The following NEK7 variants were observed in gnomAD, a reference collection of about 807,000 sequenced individuals.
NEK7 encodes NIMA related kinase 7.
A neutral mutation model predicts 44.6 loss-of-function variants in NEK7; 18 were observed. The ratio of observed to expected loss-of-function variants is 0.40; its 90% CI spans 0.28 to 0.60. The LOEUF (loss-of-function observed/expected upper bound fraction) is 0.60, where lower values mean the gene tolerates loss of function less well. NEK7 is among the 20% of genes least tolerant of loss of function. The pLI is 0.38. For missense variants in NEK7, 256 were observed against 366.5 expected (o/e 0.70, Z 2.46); for synonymous variants, 130 against 121.1 (o/e 1.07, Z -0.48).
intron 1 of NEK7, among the ~76,000 whole-genome samples, chr1:198,160,230 C>T (rs1439927501): frequency 6.6e-6 from 1 of 151,812 alleles, no homozygotes; most frequent in Non-Finnish European, 1.5e-5. Context: ...GAGCAGGGCC[C>T]AGTTAAGTGT....
At chr1:198,196,763 C>T (rs1665250073) in intron 1 of NEK7, among the ~76,000 whole-genome samples, 1 of 152,154 alleles carries the variant, frequency 6.6e-6, no homozygotes, top group Admixed American at 6.5e-5. Flanking sequence ...TTGGCCAAGT[C>T]CAGGTTATGT....
At chr1:198,270,318 T>C (rs1237426766) in intron 5 of NEK7, among the ~76,000 whole-genome samples, 2 of 152,040 alleles carry the variant, frequency 1.3e-5, no homozygotes, top group African/African-American at 4.8e-5. Context: ...TAAATGCATG[T>C]ATTTAATATT....
intron 2 of NEK7, among the ~76,000 whole-genome samples, chr1:198,249,140 G>A (rs1287096177): frequency 6.7e-6 from 1 of 148,944 alleles, no homozygotes; most frequent in African/African-American, 2.5e-5. Flanking sequence ...AATATGCGGT[G>A]TTTGGTTTTT....
At chr1:198,314,127 C>T (rs1348010529) in intron 9 of NEK7, among the ~76,000 whole-genome samples, 4 of 152,116 alleles carry the variant, frequency 2.6e-5, no homozygotes, top group Non-Finnish European at 4.4e-5. Flanking sequence ...AGGCTTTGCT[C>T]GTTTCTTTTT....
chr1:198,160,599 A>T (rs149084203), intron 1 of NEK7, among the ~76,000 whole-genome samples: 1 of 152,336 alleles, frequency 6.6e-6, no homozygotes, highest in East Asian at 1.9e-4. Context: ...TTTTATCAGC[A>T]CTTCATCAGG....
chr1:198,222,498 C>G (rs921364352), intron 1 of NEK7, among the ~76,000 whole-genome samples: 2 of 152,020 alleles, frequency 1.3e-5, no homozygotes, highest in Non-Finnish European at 2.9e-5. Flanking sequence ...TTTTATTTCC[C>G]CTCTATTACC....
intron 8 of NEK7, among the ~76,000 whole-genome samples, chr1:198,295,464 G>C (rs144758677): frequency 2.6e-5 from 4 of 152,050 alleles, no homozygotes; most frequent in Admixed American, 1.3e-4. Context: ...AGGAGAGGGC[G>C]AGCAGCTGTC....
intron 1 of NEK7, among the ~76,000 whole-genome samples, chr1:198,227,320 T>C (rs530351863): frequency 6.6e-6 from 1 of 152,170 alleles, no homozygotes; most frequent in African/African-American, 2.4e-5. Context: ...ATAGTGCTGC[T>C]ATAAACATAC....
intron 1 of NEK7, among the ~76,000 whole-genome samples, chr1:198,217,472 C>T (rs2102834552): frequency 6.6e-6 from 1 of 152,162 alleles, no homozygotes; most frequent in Admixed American, 6.5e-5. Flanking sequence ...AAACCCACAG[C>T]CAACATCATA....
chr1:198,283,039 A>G (rs1219412026), intron 7 of NEK7, among the ~76,000 whole-genome samples: 5 of 152,114 alleles, frequency 3.3e-5, no homozygotes, highest in Admixed American at 2.6e-4. Context: ...GATGTAAAGG[A>G]TATAAAAGAG....
intron 1 of NEK7, among the ~76,000 whole-genome samples, chr1:198,159,555 A>G (rs777966985): frequency 6.6e-6 from 1 of 152,230 alleles, no homozygotes; most frequent in Non-Finnish European, 1.5e-5. Context: ...CTTCTTGGGA[A>G]TCTTTCCATG....
intron 9 of NEK7, among the ~76,000 whole-genome samples, chr1:198,311,767 C>G (rs1003980837): frequency 6.6e-6 from 1 of 152,186 alleles, no homozygotes; most frequent in African/African-American, 2.4e-5. Context: ...TTGAACCAGC[C>G]TTGCATCCCA....
intron 5 of NEK7, among the ~76,000 whole-genome samples, chr1:198,266,476 T>A (rs1456973387): frequency 6.6e-6 from 1 of 152,084 alleles, no homozygotes; most frequent in Non-Finnish European, 1.5e-5. Flanking sequence ...GGCATTTGAC[T>A]AATACTAATA....
chr1:198,253,834 C>T (rs1653161993), intron 3 of NEK7, among the ~76,000 whole-genome samples: 1 of 152,120 alleles, frequency 6.6e-6, no homozygotes, highest in African/African-American at 2.4e-5. Context: ...CTGGAATGCT[C>T]ACTTGCCAGA....
intron 1 of NEK7, among the ~76,000 whole-genome samples, chr1:198,212,794 TC>T (rs1665813728): frequency 6.6e-6 from 1 of 152,316 alleles, no homozygotes; most frequent in African/African-American, 2.4e-5. Flanking sequence ...AAGTGCCACC[TC>T]CCGGCTGGAG....
chr1:198,216,944 A>G (rs531464242), intron 1 of NEK7, among the ~76,000 whole-genome samples: 1 of 152,102 alleles, frequency 6.6e-6, no homozygotes, highest in Non-Finnish European at 1.5e-5. Context: ...AGATTGAATC[A>G]GTCATTAAGA....
chr1:198,195,547 G>A lies in NEK7; in HGVS notation c.-28-37006G>A, dbSNP rs566745685. Reference sequence around the variant, plus strand: ...AATTTAACCTGAATATGGGCCAGGCGTGGTGGCTCATGCCTGTGATCCCAG... The same window carrying A: ...AATTTAACCTGAATATGGGCCAGGCATGGTGGCTCATGCCTGTGATCCCAG... On this transcript the variant is annotated intron_variant, in intron 1 of 9. Coordinates refer to ENST00000367385, the MANE Select transcript of NEK7 (RefSeq NM_133494.3). Among the ~76,000 whole-genome samples, 4 of 152,276 alleles carry A rather than the reference G, an allele frequency of 2.6e-5. 1 individual carries two copies. Among genetic ancestry groups the A allele is most frequent in the African/African-American group, 7.2e-5 (3 of 41,564 alleles).
At chr1:198,228,851 T>C (rs4586008) in intron 1 of NEK7, among the ~76,000 whole-genome samples, 19,832 of 152,048 alleles carry the variant, frequency 0.13, 1,959 homozygotes, top group East Asian at 0.57. Flanking sequence ...TAATTAAATA[T>C]CCTTTATTTC....
chr1:198,236,051 A>T (rs1666537453), intron 2 of NEK7, among the ~76,000 whole-genome samples: 2 of 152,102 alleles, frequency 1.3e-5, no homozygotes, highest in African/African-American at 4.8e-5. Context: ...CTGTGGAGGG[A>T]TGAAATAAAG....
Sources: gnomAD v4.1 joint callset for allele counts (sites outside exome capture counted in the v4.1 genomes callset) on GRCh38, gnomAD v4.1.1 for gene constraint, MANE v1.5 for transcripts, NCBI Gene and HGNC (gene_info 2026-07-23, HGNC 2026-07-21) for gene names.